Variants in TANC2 observed in about 807,000 individuals in gnomAD.
The protein encoded by TANC2 is protein TANC2.
In TANC2, 26 loss-of-function variants were observed where a neutral mutation model predicts 210.5. The ratio of observed to expected loss-of-function variants is 0.12; its 90% CI spans 0.09 to 0.17. TANC2 has a LOEUF of 0.17. Ranked by LOEUF, TANC2 falls within the 10% of genes least tolerant of loss-of-function variation. TANC2 has a pLI of 1.00. For synonymous variants in TANC2, 931 were observed against 967.1 expected, an observed-to-expected ratio of 0.96 and a Z score of 0.69; for missense variants, 2,129 against 2,608.9, an observed-to-expected ratio of 0.82 and a Z score of 4.01.
intron 14 of TANC2, among the ~76,000 whole-genome samples, chr17:63,370,265 G>A (rs1340854935): frequency 2.7e-5 from 4 of 146,628 alleles, no homozygotes; most frequent in African/African-American, 7.7e-5. Context: ...TGCAACTTCC[G>A]CCTCCCGGGG....
intron 4 of TANC2, among the ~76,000 whole-genome samples, chr17:63,121,424 T>G (rs1407781741): frequency 6.6e-6 from 1 of 152,072 alleles, no homozygotes. Flanking sequence ...TCTTTGATAC[T>G]TACTTTCCCC....
At chr17:63,374,068 G>A (rs530613349) in intron 14 of TANC2, among the ~76,000 whole-genome samples, 344 of 120,388 alleles carry the variant, frequency 2.9e-3, no homozygotes, top group African/African-American at 0.011. Flanking sequence ...TCAGGGCCTC[G>A]CTGTGTTGCC....
intron 5 of TANC2, chr17:63,154,558 A>C (rs2145426715): frequency 6.6e-6 from 1 of 152,242 alleles, no homozygotes; most frequent in Admixed American, 6.5e-5. Context: ...GGGGCAAGTC[A>C]CTTAACCTTT....
chr17:63,029,149 AG>A (rs1426321919), intron 2 of TANC2, among the ~76,000 whole-genome samples: 1 of 152,086 alleles, frequency 6.6e-6, no homozygotes, highest in African/African-American at 2.4e-5. Context: ...CTTTAACCAG[AG>A]TTATCCTCAT....
intron 4 of TANC2, chr17:63,148,737 A>G (rs2039546171): frequency 6.6e-6 from 1 of 152,122 alleles, no homozygotes; most frequent in African/African-American, 2.4e-5. Flanking sequence ...TTTAATGTGG[A>G]ATTCTCTTAC....
At chr17:63,144,732 G>C (rs1426013665) in intron 4 of TANC2, among the ~76,000 whole-genome samples, 1 of 152,062 alleles carries the variant, frequency 6.6e-6, no homozygotes, top group East Asian at 1.9e-4. Flanking sequence ...CTTTGCAGCT[G>C]TGTATTAATT....
At chr17:63,104,338 A>G (rs1254425500) in intron 4 of TANC2, among the ~76,000 whole-genome samples, 8 of 152,176 alleles carry the variant, frequency 5.3e-5, no homozygotes, top group Admixed American at 5.2e-4. Flanking sequence ...AACTTCATTC[A>G]TTCAACTCTT....
In TANC2 at chr17:63,358,369, G is replaced by GT. The variant is rs1202953651; in HGVS notation, c.2582+2979_2582+2980insT. Among the ~76,000 whole-genome samples the GT allele has an allele frequency of 3.3e-3, 462 of 141,208 alleles. 1 individual carries two copies. The highest frequency in any genetic ancestry group is 0.012 in the African/African-American group (444 of 37,276). The allele number at this position is 141,208 out of a possible 152,430, so 92.6% of individuals were successfully genotyped here. On this transcript the variant is annotated intron_variant, in intron 14 of 27. Coordinates refer to ENST00000689528, the Ensembl canonical transcript of TANC2. ...GAGTAGAGTGAGAGAGAGAGAGAGAGAGAGAGAGTATGTGTGTGTGTGTGT... is the reference window on the plus strand; with the variant it reads ...GAGTAGAGTGAGAGAGAGAGAGAGAGTAGAGAGAGTATGTGTGTGTGTGTGT...
At chr17:63,201,749 T>C (rs1199483821) in intron 7 of TANC2, among the ~76,000 whole-genome samples, 1 of 152,024 alleles carries the variant, frequency 6.6e-6, no homozygotes, top group Admixed American at 6.6e-5. Context: ...GCAATGCTGA[T>C]TGGGACATTA....
intron 14 of TANC2, among the ~76,000 whole-genome samples, chr17:63,374,371 T>C (rs2047364223): frequency 6.6e-6 from 1 of 152,124 alleles, no homozygotes; most frequent in Admixed American, 6.5e-5. Flanking sequence ...AGGTATAAGA[T>C]GTTATTATTT....
At chr17:63,055,990 A>AAAAAAATATATATATATATATAT (rs2035784593) in intron 2 of TANC2, among the ~76,000 whole-genome samples, 1 of 10,102 alleles carries the variant, frequency 9.9e-5, no homozygotes, top group Non-Finnish European at 2.2e-4. Flanking sequence ...AAAAAAAAAA[A>AAAAAAATATATATATATATATAT]ATATATATAT....
chr17:63,192,871 A>G (rs1016515032), intron 5 of TANC2, among the ~76,000 whole-genome samples: 1 of 152,234 alleles, frequency 6.6e-6, no homozygotes. Flanking sequence ...TTCAAAGTCA[A>G]TGACTATATC....
intron 2 of TANC2, among the ~76,000 whole-genome samples, chr17:63,060,358 C>T (rs774361620): frequency 2.0e-5 from 3 of 152,228 alleles, no homozygotes; most frequent in African/African-American, 2.4e-5. Flanking sequence ...TGGTGGCCCA[C>T]GCCTGTAATC....
At chr17:63,089,122 A>G (rs1202414964) in intron 3 of TANC2, 1 of 152,202 alleles carries the variant, frequency 6.6e-6, no homozygotes, top group Non-Finnish European at 1.5e-5. Flanking sequence ...AGGGCATTAA[A>G]GCCTCTGCAA....
chr17:63,024,295 G>A (rs958486205), intron 2 of TANC2, among the ~76,000 whole-genome samples: 2 of 152,078 alleles, frequency 1.3e-5, no homozygotes, highest in South Asian at 4.1e-4. Context: ...TCAATTTTAT[G>A]GTTATTTCTT....
In TANC2 at chr17:63,421,662, CCAT is replaced by C. The variant is rs1172052849; in HGVS notation, c.5937_5939del (p.Ser1980del). 9 of 1,613,942 alleles carry C rather than the reference CCAT, an allele frequency of 5.6e-6. No homozygotes were observed. Among genetic ancestry groups the C allele is most frequent in the Non-Finnish European group, 7.6e-6 (9 of 1,179,912 alleles). ...GCCTCAGCCTGAGTCCTTCAGTCCACCATCATCCATCAGCAACATTGCCTTTTA... is the reference window on the plus strand; with the variant it reads ...GCCTCAGCCTGAGTCCTTCAGTCCACCATCCATCAGCAACATTGCCTTTTA... On this transcript the variant is annotated inframe_deletion, in exon 28 of 28. Coordinates refer to ENST00000689528, the Ensembl canonical transcript of TANC2. The surrounding 1 kb of genome is among the most constrained non-coding windows in gnomAD (Gnocchi z 6.9).
intron 4 of TANC2, among the ~76,000 whole-genome samples, chr17:63,127,913 G>A: frequency 6.6e-6 from 1 of 152,164 alleles, no homozygotes; most frequent in East Asian, 1.9e-4. Flanking sequence ...CCTACTGACT[G>A]TTGTCAGGAC....
chr17:63,244,371 T>C (rs1203737993), intron 8 of TANC2, among the ~76,000 whole-genome samples: 1 of 152,194 alleles, frequency 6.6e-6, no homozygotes, highest in Non-Finnish European at 1.5e-5. Flanking sequence ...CCCATTACCA[T>C]TCTTCAAAGA....
intron 14 of TANC2, among the ~76,000 whole-genome samples, chr17:63,376,814 C>CTTTTT (rs771564600): frequency 1.6e-5 from 2 of 125,974 alleles, no homozygotes; most frequent in Admixed American, 8.0e-5. Context: ...CCACTGTACT[C>CTTTTT]TTTTTTTTTT....
Sources: gnomAD v4.1 joint callset for allele counts (sites outside exome capture counted in the v4.1 genomes callset) on GRCh38, gnomAD v4.1.1 for gene constraint, Gnocchi (gnomAD v3.1) non-coding constraint, MANE v1.5 for transcripts, NCBI Gene and HGNC (gene_info 2026-07-23, HGNC 2026-07-21) for gene names.